SLC35F2: variants seen among roughly 807,000 people sequenced by gnomAD.
The protein encoded by SLC35F2 is queuine/queuosine transporter SLC35F2.
A neutral mutation model predicts 38.1 loss-of-function variants in SLC35F2; 25 were observed. The observed-to-expected ratio is 0.66, with a 90% CI of 0.48 to 0.92. The LOEUF is 0.92. Ranked by LOEUF, SLC35F2 falls within the 40% of genes least tolerant of loss-of-function variation. The probability of loss-of-function intolerance (pLI) is 0.00; values close to 1 mark genes in which losing one functional copy is unlikely to be tolerated. For missense variants in SLC35F2, 409 were observed against 452.9 expected (o/e 0.90, Z 0.88); for synonymous variants, 173 against 181.7 (o/e 0.95, Z 0.38).
intron 1 of SLC35F2, among the ~76,000 whole-genome samples, chr11:107,827,033 T>C (rs1264211966): frequency 1.3e-5 from 2 of 152,138 alleles, no homozygotes; most frequent in African/African-American, 2.4e-5. Flanking sequence ...ATGAATATCG[T>C]ATATACATAC....
Position 107,810,927 on chromosome 11 carries a change from C to T in SLC35F2, c.414+740G>A, listed in dbSNP as rs183583947. 1.8e-5 allele frequency: 18 copies of T among 975,870 alleles called. No individual in the cohort carries two copies. The East Asian group carries it at 4.6e-4, about 25-fold the overall frequency. 60.5% of individuals were successfully genotyped at this position (975,870 alleles called of 1,614,324 possible). ...TATCAAAAAGTTATAAACTTCAAATCCCACATCTGATACACACTTTTTTTT... is the reference window on the plus strand; with the variant it reads ...TATCAAAAAGTTATAAACTTCAAATTCCACATCTGATACACACTTTTTTTT... On this transcript the variant is annotated intron_variant, in intron 3 of 7. Transcript: ENST00000525815.
intron 1 of SLC35F2, among the ~76,000 whole-genome samples, chr11:107,828,646 T>C (rs1859790766): frequency 6.6e-6 from 1 of 152,070 alleles, no homozygotes; most frequent in African/African-American, 2.4e-5. Context: ...GTCTGTATAA[T>C]GAATTAAGAT....
In SLC35F2 at chr11:107,792,628, G is replaced by C. The variant is rs952672149; in HGVS notation, c.1112C>G (p.Ser371Cys). The change falls in exon 8 of 8, where the codon TCT becomes TGT. Residue 371 changes from serine (S) to cysteine (C), a missense_variant. Ser to Cys is a moderately radical substitution (Grantham distance 112, BLOSUM62 -1). Coordinates refer to ENST00000525815, the MANE Select transcript of SLC35F2 (RefSeq NM_017515.5). ...KLEENLQETH[S>C]AVL ...CATCTTCTCCAGCTACAAGACAGCA[G>C]AGTGGGTCTCCTGGAGGTTCTCCTC... 25 of 1,611,302 alleles carry C rather than the reference G, an allele frequency of 1.6e-5. No individual in the cohort carries two copies. The highest frequency in any genetic ancestry group is 2.0e-5 in the Non-Finnish European group (24 of 1,179,058).
intron 7 of SLC35F2, among the ~76,000 whole-genome samples, chr11:107,801,286 G>A (rs1859304239): frequency 1.3e-5 from 2 of 152,188 alleles, no homozygotes; most frequent in African/African-American, 2.4e-5. Context: ...ACAATGAAAT[G>A]TTCTAGAAGC....
chr11:107,804,764 AATCAATCTAAG>A lies in SLC35F2; in HGVS notation c.732-5_737del. On this transcript the variant is annotated splice_acceptor_variant and splice_polypyrimidine_tract_variant and coding_sequence_variant and intron_variant, in exon 6 of 8. Coordinates refer to ENST00000525815, the MANE Select transcript of SLC35F2 (RefSeq NM_017515.5). LOFTEE classifies it high-confidence loss of function. ...TGCTGGCAATATCCTTATATTCCAC[AATCAATCTAAG>A]ATTAAAACAAGAGGTCACAGAGAGG... 6.2e-7 allele frequency: 1 copy of A among 1,606,106 alleles called. No individual in the cohort carries two copies. Among genetic ancestry groups the A allele is most frequent in the African/African-American group, 1.3e-5 (1 of 74,714 alleles).
At chr11:107,858,512 G>T in intron 1 of SLC35F2, 146 bp downstream of exon 1, 1 of 637,434 alleles carries the variant, frequency 1.6e-6, no homozygotes, top group South Asian at 8.6e-5. Flanking sequence ...TGGTGTGCGT[G>T]TTGAGCCCCG....
In SLC35F2 at chr11:107,811,759, A is replaced by G. The variant is rs1300129195; in HGVS notation, c.322T>C (p.Trp108Arg). Residue 108 changes from tryptophan (W) to arginine (R), a missense_variant, in exon 3 of 8, where the codon TGG becomes CGG. Coordinates refer to ENST00000525815, the MANE Select transcript of SLC35F2 (RefSeq NM_017515.5). ...AGTCCCAGCAGGATGTACTTCCACCATTTTCTTTTCAAGATTACTAAAAGG... is the reference window on the plus strand; with the variant it reads ...AGTCCCAGCAGGATGTACTTCCACCGTTTTCTTTTCAAGATTACTAAAAGG... ...DNLLVILKRKWWKYILLGLAD... is the reference protein window; with the variant it reads ...DNLLVILKRKRWKYILLGLAD... The G allele has an allele frequency of 4.3e-6, 7 of 1,613,752 alleles. No homozygotes were observed. Among genetic ancestry groups the G allele is most frequent in the Non-Finnish European group, 5.9e-6 (7 of 1,179,840 alleles).
intron 7 of SLC35F2, among the ~76,000 whole-genome samples, chr11:107,794,060 A>C (rs1859177131): frequency 6.6e-6 from 1 of 151,236 alleles, no homozygotes; most frequent in South Asian, 2.1e-4. Context: ...TTGAAGTATT[A>C]AAGAAATCAG....
rs373147872 is a variant in SLC35F2 at position 107,849,473 on chromosome 11, T to C, written c.110+9185A>G. On this transcript the variant is annotated intron_variant, in intron 1 of 7. Transcript: ENST00000525815. ...GGCCAACATGGTGAAACCCCGTCTC[T>C]ACTAAAAATGCAAAAACTAGCCAGG... Among the ~76,000 whole-genome samples, 341 of 152,018 alleles carry C rather than the reference T, an allele frequency of 2.2e-3. 3 individuals are homozygous for C. Among genetic ancestry groups the C allele is most frequent in the African/African-American group, 7.6e-3 (316 of 41,462 alleles).
chr11:107,842,620 A>T (rs908266970), intron 1 of SLC35F2, among the ~76,000 whole-genome samples: 1 of 152,182 alleles, frequency 6.6e-6, no homozygotes, highest in Non-Finnish European at 1.5e-5. Flanking sequence ...CTTGGGCTCA[A>T]GCGATCCTCC....
At chr11:107,839,233 T>A (rs1859980489) in intron 1 of SLC35F2, among the ~76,000 whole-genome samples, 2 of 152,134 alleles carry the variant, frequency 1.3e-5, no homozygotes, top group East Asian at 3.9e-4. Context: ...GGCCAAGATG[T>A]GGGGATCACT....
intron 6 of SLC35F2, chr11:107,803,391 C>A (rs1390581785): frequency 1.0e-6 from 1 of 985,234 alleles, no homozygotes. Flanking sequence ...ATTGGATGAT[C>A]AAGGTCAGAA....
At chr11:107,816,012 CCTT>C in intron 1 of SLC35F2, 47 bp from the exon 2 acceptor site, 2 of 1,305,660 alleles carry the variant, frequency 1.5e-6, no homozygotes, top group Non-Finnish European at 2.1e-6. Context: ...ATAAGTTATA[CCTT>C]ACACACACAC....
rs151281568 is a variant in SLC35F2 at position 107,856,579 on chromosome 11, C to T, written c.110+2079G>A. Among the ~76,000 whole-genome samples the T allele has an allele frequency of 4.0e-3, 606 of 152,216 alleles. 2 individuals carry two copies. The highest frequency in any genetic ancestry group is 5.6e-3 in the Non-Finnish European group (381 of 68,016). On this transcript the variant is annotated intron_variant, in intron 1 of 7. Transcript: ENST00000525815. ...TGGCGTGGTGGTATACATCTGTAAT[C>T]CCAGCTACTTCGGAGGCTGAGGCAG... is the stretch of plus-strand genomic sequence containing the variant.
intron 4 of SLC35F2, 71 bp downstream of exon 4, chr11:107,806,646 T>C (rs764638508): frequency 1.4e-6 from 2 of 1,417,776 alleles, no homozygotes; most frequent in African/African-American, 1.5e-5. Flanking sequence ...ACAAGTTTCT[T>C]TGTTGATATA....
At chr11:107,804,564 G>A (rs935451855) in intron 6 of SLC35F2, among the ~76,000 whole-genome samples, 154 bp downstream of exon 6, 2 of 152,112 alleles carry the variant, frequency 1.3e-5, no homozygotes, top group Admixed American at 6.5e-5. Flanking sequence ...AATTTTCAGA[G>A]AAAACTCAAT....
At chr11:107,825,353 ATT>A (rs1336630711) in intron 1 of SLC35F2, among the ~76,000 whole-genome samples, 1 of 133,116 alleles carries the variant, frequency 7.5e-6, no homozygotes, top group Non-Finnish European at 1.6e-5. Context: ...GAGATTCCGC[ATT>A]TCTTTCTTTT....
intron 1 of SLC35F2, among the ~76,000 whole-genome samples, chr11:107,826,691 T>C (rs1374483762): frequency 6.6e-6 from 1 of 152,182 alleles, no homozygotes; most frequent in African/African-American, 2.4e-5. Flanking sequence ...AAAACAAAAA[T>C]TAAATTTAAA....
intron 1 of SLC35F2, among the ~76,000 whole-genome samples, chr11:107,820,853 G>C (rs1395553096): frequency 6.6e-6 from 1 of 152,154 alleles, no homozygotes; most frequent in East Asian, 1.9e-4. Flanking sequence ...CTACTTGGGA[G>C]GCTGAGACAG....
Sources: gnomAD v4.1 joint callset for allele counts (sites outside exome capture counted in the v4.1 genomes callset) on GRCh38, gnomAD v4.1.1 for gene constraint, MANE v1.5 for transcripts, NCBI Gene and HGNC (gene_info 2026-07-23, HGNC 2026-07-21) for gene names.